CDKL5: variants seen among roughly 807,000 people sequenced by gnomAD.
CDKL5 encodes the protein cyclin-dependent kinase-like 5.
In CDKL5, 8 loss-of-function variants were observed where a neutral mutation model predicts 61.7. The ratio of observed to expected loss-of-function variants is 0.13; its 90% CI spans 0.08 to 0.23. CDKL5 has a LOEUF of 0.23. Ranked by LOEUF, CDKL5 falls within the 10% of genes least tolerant of loss-of-function variation. The pLI is 1.00. For missense variants in CDKL5, 440 were observed against 734.5 expected (o/e 0.60, Z 4.63); for synonymous variants, 275 against 272.3 (o/e 1.01, Z -0.10).
At chrX:18,432,179 A>T (rs1931510660) in intron 1 of CDKL5, among the ~76,000 whole-genome samples, 1 of 104,490 alleles carries the variant, frequency 9.6e-6, no homozygotes, top group Non-Finnish European at 2.0e-5. Flanking sequence ...GCTCACTGCA[A>T]CCTCTGCCTC....
chrX:18,458,787 CA>C (rs1002923688), intron 1 of CDKL5, among the ~76,000 whole-genome samples: 19 of 112,420 alleles, frequency 1.7e-4, no homozygotes, highest in African/African-American at 5.8e-4. Context: ...TTCAGATACC[CA>C]ATAGCCACAT....
At chrX:18,539,201 GT>G (rs1923939431) in intron 3 of CDKL5, among the ~76,000 whole-genome samples, 1 of 111,150 alleles carries the variant, frequency 9.0e-6, no homozygotes, top group African/African-American at 3.3e-5. Context: ...TTGATTTTCT[GT>G]TTTCAATTTC....
At chrX:18,589,296 C>G (rs1029245998) in intron 9 of CDKL5, 9 of 110,412 alleles carry the variant, frequency 8.2e-5, no homozygotes, top group African/African-American at 3.0e-4. Context: ...CCCCCTCCCC[C>G]AACCCCATGA....
chrX:18,541,985 G>A (rs183159165), intron 3 of CDKL5, among the ~76,000 whole-genome samples: 368 of 111,950 alleles, frequency 3.3e-3, no homozygotes, highest in African/African-American at 0.012. Flanking sequence ...GCACCTGTTA[G>A]TCTTTTTTGC....
At chrX:18,510,743 C>A in intron 2 of CDKL5, 77 bp from the exon 3 acceptor site, 1 of 823,510 alleles carries the variant, frequency 1.2e-6, no homozygotes, top group Non-Finnish European at 1.8e-6. Context: ...TATTATAACA[C>A]TGAGAAGCAA....
chrX:18,487,874 C>G (rs983832569), intron 1 of CDKL5, among the ~76,000 whole-genome samples: 1 of 110,383 alleles, frequency 9.1e-6, no homozygotes, highest in Non-Finnish European at 1.9e-5. Context: ...CTAGATCCCC[C>G]TACTGCACTC....
chrX:18,651,950 C>T (rs929883819), intron 21 of CDKL5, among the ~76,000 whole-genome samples: 1 of 110,573 alleles, frequency 9.0e-6, no homozygotes, highest in Non-Finnish European at 1.9e-5. Flanking sequence ...CCACACCCCT[C>T]CGCCTGGCCC....
At chrX:18,617,428 G>A (rs1400415211) in intron 15 of CDKL5, among the ~76,000 whole-genome samples, 1 of 112,015 alleles carries the variant, frequency 8.9e-6, no homozygotes, top group Admixed American at 9.4e-5. Flanking sequence ...TCTTCCAGGT[G>A]GAATCACAGG....
At chrX:18,591,638 C>G (rs951256044) in intron 9 of CDKL5, among the ~76,000 whole-genome samples, 2 of 111,918 alleles carry the variant, frequency 1.8e-5, no homozygotes, top group Admixed American at 1.9e-4. Flanking sequence ...AGTTCTCCAG[C>G]TTCATTTCTG....
At chrX:18,502,157 T>G (rs1922411757) in intron 1 of CDKL5, among the ~76,000 whole-genome samples, 1 of 111,481 alleles carries the variant, frequency 9.0e-6, no homozygotes, top group Admixed American at 9.6e-5. Context: ...CTGTCTATCA[T>G]TCTTTTTCCC....
intron 1 of CDKL5, chrX:18,457,355 TC>T (rs1255568807): frequency 8.9e-6 from 1 of 111,929 alleles, no homozygotes; most frequent in Non-Finnish European, 1.9e-5. Context: ...ATATAACAGA[TC>T]CAATTCCTTG....
chrX:18,580,685 G>A (rs1398773210), intron 6 of CDKL5, among the ~76,000 whole-genome samples: 2 of 110,846 alleles, frequency 1.8e-5, no homozygotes, highest in African/African-American at 6.6e-5. Flanking sequence ...TACAGTAGTG[G>A]GACACAAATT....
At chrX:18,615,817 G>A (rs905212189) in intron 15 of CDKL5, among the ~76,000 whole-genome samples, 2 of 112,038 alleles carry the variant, frequency 1.8e-5, no homozygotes, top group African/African-American at 6.5e-5. Flanking sequence ...TTTGTACAGT[G>A]TACCCCTTTC....
chrX:18,591,662 C>G (rs917880841), intron 9 of CDKL5, among the ~76,000 whole-genome samples: 1 of 111,678 alleles, frequency 9.0e-6, no homozygotes, highest in African/African-American at 3.3e-5. Flanking sequence ...CCCCGCTAGC[C>G]CAGTTTGTGC....
In CDKL5 at chrX:18,632,468, C is replaced by T. The variant is rs1366606918; in HGVS notation, c.*3711C>T. The T allele has an allele frequency of 1.3e-6, 1 of 752,607 alleles. No individual in the cohort carries two copies. Among genetic ancestry groups the T allele is most frequent in the Admixed American group, 8.8e-5 (1 of 11,377 alleles). The allele number at this position is 752,607 out of a possible 1,213,427, so 62.0% of individuals were successfully genotyped here. ...CATCCGTGGCTTTCAGCTGTGTCTC[C>T]CGAAAGAAAATGTCTTTGTTTTTTA... On this transcript the variant is annotated 3_prime_UTR_variant, in exon 18 of 18. Transcript: ENST00000623535.
chrX:18,587,896 A>C, intron 8 of CDKL5, 58 bp from the exon 9 acceptor site: 2 of 1,078,386 alleles, frequency 1.9e-6, no homozygotes, highest in Non-Finnish European at 2.6e-6. Flanking sequence ...TAATTTGGAA[A>C]TTATCAAAAC....
intron 1 of CDKL5, among the ~76,000 whole-genome samples, chrX:18,446,387 G>A (rs2147630138): frequency 9.1e-6 from 1 of 110,187 alleles, no homozygotes; most frequent in East Asian, 2.8e-4. Context: ...AAACAAAACT[G>A]GGAAGTAGTT....
At chrX:18,478,060 A>C (rs1342081137) in intron 1 of CDKL5, among the ~76,000 whole-genome samples, 1 of 111,205 alleles carries the variant, frequency 9.0e-6, no homozygotes, top group African/African-American at 3.3e-5. Flanking sequence ...TGTTTTCAGT[A>C]TGTAAAACTT....
chrX:18,570,521 C>T (rs1016856893), intron 4 of CDKL5, among the ~76,000 whole-genome samples: 1 of 111,405 alleles, frequency 9.0e-6, no homozygotes, highest in Non-Finnish European at 1.9e-5. Context: ...AGCAACCAGA[C>T]TCAAATATGG....
Sources: gnomAD v4.1 joint callset for allele counts (sites outside exome capture counted in the v4.1 genomes callset) on GRCh38, gnomAD v4.1.1 for gene constraint, MANE v1.5 for transcripts, NCBI Gene and HGNC (gene_info 2026-07-23, HGNC 2026-07-21) for gene names.